The following TENM2 variants were observed in gnomAD, a reference collection of about 807,000 sequenced individuals.
The protein encoded by TENM2 is teneurin-2.
A neutral mutation model predicts 245.2 loss-of-function variants in TENM2; 52 were observed. That is an observed-to-expected ratio of 0.21 (90% CI 0.17 to 0.27). The LOEUF (loss-of-function observed/expected upper bound fraction) is 0.27, where lower values mean the gene tolerates loss of function less well. Among genes scored for constraint, TENM2 ranks in the 10% least tolerant of loss-of-function variants. TENM2 has a pLI of 1.00. For missense variants in TENM2, 3,046 were observed against 3,666.8 expected (o/e 0.83, Z 4.37); for synonymous variants, 1,363 against 1,438.9 (o/e 0.95, Z 1.19).
At chr5:167,180,465 C>T in the TENM2 span, among the ~76,000 whole-genome samples, 2 of 152,118 alleles carry the variant, frequency 1.3e-5, no homozygotes, top group South Asian at 2.1e-4. Context: ...CGCCGCCTGA[C>T]CTGACCAGTT....
At chr5:168,263,033 C>T (rs1461969907), downstream of TENM2, 1 of 506,580 alleles carries the variant, frequency 2.0e-6, no homozygotes, top group Non-Finnish European at 3.5e-6. Context: ...CCGAGGAAAA[C>T]AAAACAAACG....
intron 3 of TENM2, among the ~76,000 whole-genome samples, chr5:167,929,114 AAAG>A (rs1561946074): frequency 4.0e-4 from 49 of 122,062 alleles, no homozygotes; most frequent in South Asian, 1.3e-3. Flanking sequence ...AGAAAGAAAG[AAAG>A]AAAGAAAGAA....
At chr5:167,970,894 A>G (rs1301060843) in intron 4 of TENM2, among the ~76,000 whole-genome samples, 1 of 152,084 alleles carries the variant, frequency 6.6e-6, no homozygotes, top group Non-Finnish European at 1.5e-5. Flanking sequence ...GAATTTCAAT[A>G]TAATCGTGTG....
the TENM2 span, among the ~76,000 whole-genome samples, chr5:167,105,999 AATG>A: frequency 6.6e-6 from 1 of 151,370 alleles, no homozygotes; most frequent in Non-Finnish European, 1.5e-5. Flanking sequence ...ATGAATGAAA[AATG>A]ATGTGAATCG....
Position 167,801,109 on chromosome 5 carries a change from AATATATATATAT to A in TENM2, c.503-74844_503-74833del, listed in dbSNP as rs869282464. On this transcript the variant is annotated intron_variant, in intron 2 of 28. Transcript: ENST00000518659. ...GTATTTGAAAAGAAAAAAAAAAAAA[AATATATATATAT>A]ATATATATATATATATATATATATA... Among the ~76,000 whole-genome samples, 461 of 66,328 alleles carry A rather than the reference AATATATATATAT, an allele frequency of 7.0e-3. 5 individuals are homozygous for A. The highest frequency in any genetic ancestry group is 0.018 in the African/African-American group (278 of 15,842). 43.5% of individuals were successfully genotyped at this position (66,328 alleles called of 152,430 possible). A position where few individuals can be genotyped will look rare whatever the true frequency, so the allele number is the denominator to read the frequency against.
intron 1 of TENM2, among the ~76,000 whole-genome samples, chr5:167,313,943 C>T (rs1016807566): frequency 2.0e-5 from 3 of 152,142 alleles, no homozygotes; most frequent in African/African-American, 7.2e-5. Context: ...GTCCTTTCTC[C>T]TCCACCTATT....
At chr5:167,112,879 A>G in the TENM2 span, among the ~76,000 whole-genome samples, 1 of 152,208 alleles carries the variant, frequency 6.6e-6, no homozygotes. Context: ...TGGGCCAAAT[A>G]GATAGAACAT....
intron 2 of TENM2, among the ~76,000 whole-genome samples, chr5:167,415,231 G>A (rs1389281211): frequency 6.6e-6 from 1 of 151,712 alleles, no homozygotes; most frequent in African/African-American, 2.4e-5. Flanking sequence ...AACAGTGCTG[G>A]GAGGAAATTG....
chr5:167,844,100 GTTATGAC>G (rs1769809003), intron 2 of TENM2, among the ~76,000 whole-genome samples: 1 of 152,170 alleles, frequency 6.6e-6, no homozygotes. Flanking sequence ...GGTGGCTTTA[GTTATGAC>G]TTATGACTCA....
exon 19 of TENM2, chr5:168,204,426 T>A: frequency 6.2e-7 from 1 of 1,613,920 alleles, no homozygotes; most frequent in Non-Finnish European, 8.5e-7. Flanking sequence ...CAGCCTGCCA[T>A]CATCACCAGC....
chr5:166,995,274 C>G, the TENM2 span, among the ~76,000 whole-genome samples: 2 of 151,818 alleles, frequency 1.3e-5, no homozygotes, highest in Non-Finnish European at 2.9e-5. Flanking sequence ...GAGTCTCGCT[C>G]TGTCGCCCAG....
chr5:167,048,099 G>C, the TENM2 span, among the ~76,000 whole-genome samples: 4 of 152,098 alleles, frequency 2.6e-5, no homozygotes. Context: ...AAATCTAGAT[G>C]AATTTAATCT....
chr5:168,179,790 G>A (rs960300454), intron 13 of TENM2, among the ~76,000 whole-genome samples: 2 of 152,204 alleles, frequency 1.3e-5, no homozygotes, highest in Non-Finnish European at 2.9e-5. Context: ...AAATAATGAT[G>A]TTAATAGCAC....
intron 5 of TENM2, among the ~76,000 whole-genome samples, chr5:168,046,875 G>T (rs1054124681): frequency 1.3e-5 from 2 of 152,154 alleles, no homozygotes; most frequent in African/African-American, 4.8e-5. Context: ...AATAGTTAGG[G>T]AGGTGGGCCA....
At chr5:167,737,638 C>A (rs1760893277) in intron 2 of TENM2, among the ~76,000 whole-genome samples, 1 of 152,140 alleles carries the variant, frequency 6.6e-6, no homozygotes, top group Non-Finnish European at 1.5e-5. Context: ...AAGCAGGAGG[C>A]AACCAGATGA....
At chr5:167,298,285 CTGGATA>C in intron 1 of TENM2, among the ~76,000 whole-genome samples, 1 of 152,206 alleles carries the variant, frequency 6.6e-6, no homozygotes, top group Non-Finnish European at 1.5e-5. Flanking sequence ...TGGTGATGGC[CTGGATA>C]TGGTTTTGTA....
chr5:167,661,828 C>T (rs1225357810), intron 2 of TENM2, among the ~76,000 whole-genome samples: 2 of 152,236 alleles, frequency 1.3e-5, no homozygotes, highest in East Asian at 3.8e-4. Context: ...GGATCTCAAA[C>T]AGGCCGTCTA....
chr5:168,250,158 GGATGGATGGATGGGTAAATAGAT>G (rs1358004105), intron 27 of TENM2, among the ~76,000 whole-genome samples: 8 of 118,954 alleles, frequency 6.7e-5, no homozygotes, highest in African/African-American at 3.2e-4. Flanking sequence ...ATGGATGGAT[GGATGGATGGATGGGTAAATAGAT>G]GGATAAATTG....
the TENM2 span, among the ~76,000 whole-genome samples, chr5:167,192,169 A>T: frequency 6.6e-6 from 1 of 152,126 alleles, no homozygotes; most frequent in South Asian, 2.1e-4. Context: ...TACAACCTTG[A>T]TGGCTTTTCT....
Sources: allele counts gnomAD v4.1 joint callset (sites outside exome capture counted in the v4.1 genomes callset), GRCh38; gene constraint gnomAD v4.1.1; transcripts MANE v1.5; gene names NCBI Gene and HGNC (gene_info 2026-07-23, HGNC 2026-07-21).